The following CALU variants were observed in gnomAD, a reference collection of about 807,000 sequenced individuals.
CALU encodes calumenin, also known as IEF SSP 9302.
A neutral mutation model predicts 37.5 loss-of-function variants in CALU; 13 were observed. That is an observed-to-expected ratio of 0.35 (90% CI 0.23 to 0.55). The LOEUF is 0.55. CALU is among the 20% of genes least tolerant of loss of function. The probability of loss-of-function intolerance (pLI) is 0.89; values close to 1 mark genes in which losing one functional copy is unlikely to be tolerated. For missense variants in CALU, 282 were observed against 391.7 expected, an observed-to-expected ratio of 0.72 and a Z score of 2.36; for synonymous variants, 114 against 133.8, an observed-to-expected ratio of 0.85 and a Z score of 1.02.
At chr7:128,755,444 C>A (rs1200008004) in intron 3 of CALU, among the ~76,000 whole-genome samples, 1 of 151,528 alleles carries the variant, frequency 6.6e-6, no homozygotes, top group African/African-American at 2.4e-5. Flanking sequence ...AATTAGATTT[C>A]TTTATAACTG....
At chr7:128,767,106 A>T (rs900767536) in intron 5 of CALU, among the ~76,000 whole-genome samples, 1 of 152,160 alleles carries the variant, frequency 6.6e-6, no homozygotes, top group Non-Finnish European at 1.5e-5. Flanking sequence ...TTTCTAAAAC[A>T]AGTGGTCCCG....
chr7:128,761,481 A>C (rs906169014), intron 5 of CALU: 2 of 152,178 alleles, frequency 1.3e-5, no homozygotes, highest in Non-Finnish European at 2.9e-5. Flanking sequence ...CCTAAGGAGG[A>C]GTGAACCGGC....
chr7:128,759,137 A>G, intron 4 of CALU, 100 bp downstream of exon 4: 1 of 808,730 alleles, frequency 1.2e-6, no homozygotes, highest in Non-Finnish European at 2.0e-6. Context: ...TTATATATAT[A>G]TATGCTATAT....
At chr7:128,749,274 A>T (rs1423383312) in intron 2 of CALU, among the ~76,000 whole-genome samples, 2 of 152,228 alleles carry the variant, frequency 1.3e-5, no homozygotes, top group African/African-American at 4.8e-5. Flanking sequence ...TCATTCTCAG[A>T]TATTTGTTTA....
rs151294368 is a variant in CALU at position 128,767,622 on chromosome 7, C to A, written c.810C>A (p.Ala270=). Residue 270 remains alanine (A), a synonymous_variant, in exon 6 of 7, where the codon GCC becomes GCA. Coordinates refer to ENST00000249364, the MANE Select transcript of CALU (RefSeq NM_001219.5). ...PSDYDHAEAE[A]RHLVYESDQN... is the part of the protein sequence containing the mutation. ...ACTATGATCATGCAGAGGCAGAAGC[C>A]AGGCACCTGGTCTATGAATCAGACC... is the stretch of plus-strand genomic sequence containing the variant. The A allele has an allele frequency of 1.4e-5, 23 of 1,614,062 alleles. No homozygotes were observed. In the Admixed American group the frequency reaches 1.8e-4, roughly 13 times the overall value.
intron 5 of CALU, among the ~76,000 whole-genome samples, chr7:128,765,888 A>G (rs2128882956): frequency 6.6e-6 from 1 of 152,282 alleles, no homozygotes; most frequent in East Asian, 1.9e-4. Flanking sequence ...TGTCATAGCA[A>G]TATTGCTTAG....
At chr7:128,764,178 A>G (rs1801233965) in intron 5 of CALU, among the ~76,000 whole-genome samples, 1 of 152,152 alleles carries the variant, frequency 6.6e-6, no homozygotes, top group Admixed American at 6.5e-5. Context: ...CTGTAATCCC[A>G]GAACTTTGGG....
chr7:128,754,996 T>C (rs1800817722), intron 3 of CALU, among the ~76,000 whole-genome samples: 1 of 152,036 alleles, frequency 6.6e-6, no homozygotes. Flanking sequence ...AGACAATTTT[T>C]GGAGTAGATT....
chr7:128,748,090 T>G, intron 1 of CALU: 1 of 331,290 alleles, frequency 3.0e-6, no homozygotes, highest in Non-Finnish European at 5.4e-6. Context: ...AAGCTACGAA[T>G]GTCTGAATTC....
At position 128,772,070 on chromosome 7, in the gene CALU, TTTTTG is replaced by T. The variant is rs1218212465; in HGVS notation, c.*2918_*2922del. ...GGCCACTGAGTTTTTTTTGTTTTTT[TTTTTG>T]TTTTGTTTTGTTTTTTCTTTATGTC... On this transcript the variant is annotated 3_prime_UTR_variant, in exon 7 of 7. Coordinates refer to ENST00000249364, the MANE Select transcript of CALU (RefSeq NM_001219.5). Among the ~76,000 whole-genome samples the T allele has an allele frequency of 1.6e-4, 13 of 82,126 alleles. No individual in the cohort carries two copies. Among genetic ancestry groups the T allele is most frequent in the African/African-American group, 4.2e-4 (12 of 28,902 alleles). 53.9% of individuals were successfully genotyped at this position (82,126 alleles called of 152,430 possible).
chr7:128,755,680 G>A (rs374709965), intron 3 of CALU, among the ~76,000 whole-genome samples: 1 of 152,262 alleles, frequency 6.6e-6, no homozygotes, highest in East Asian at 1.9e-4. Flanking sequence ...TCTTTTACTT[G>A]TAACACTTGC....
rs920810519 is a variant in CALU at position 128,769,288 on chromosome 7, A to G, written c.*121A>G. 3.4e-6 allele frequency: 2 copies of G among 589,788 alleles called. No homozygotes were observed. Among genetic ancestry groups the G allele is most frequent in the African/African-American group, 3.7e-5 (2 of 53,590 alleles). 36.5% of individuals were successfully genotyped at this position (589,788 alleles called of 1,614,324 possible). A position where few individuals can be genotyped will look rare whatever the true frequency, so the allele number is the denominator to read the frequency against. Reference sequence around the variant, plus strand: ...ACTTTTTAAGACATGAAAAGGCGTAATGAAAACCATCCCGTCCCCATTCCT... The same window carrying G: ...ACTTTTTAAGACATGAAAAGGCGTAGTGAAAACCATCCCGTCCCCATTCCT... On this transcript the variant is annotated 3_prime_UTR_variant, in exon 7 of 7. Transcript: ENST00000249364.
intron 3 of CALU, among the ~76,000 whole-genome samples, chr7:128,758,418 A>AT (rs34101629): frequency 6.6e-6 from 1 of 152,126 alleles, no homozygotes; most frequent in South Asian, 2.1e-4. Context: ...ACTTAGATAT[A>AT]TTTTCTCATT....
chr7:128,765,788 A>G (rs1801307138), intron 5 of CALU, among the ~76,000 whole-genome samples: 1 of 152,216 alleles, frequency 6.6e-6, no homozygotes, highest in African/African-American at 2.4e-5. Flanking sequence ...CTAGAGTGAA[A>G]TGGGATTCAG....
chr7:128,768,868 A>AAAAAAAAAAAAAAAAAAAAAAC (rs1207568324), intron 6 of CALU, among the ~76,000 whole-genome samples, 195 bp from the exon 7 acceptor site: 1 of 150,518 alleles, frequency 6.6e-6, no homozygotes, highest in African/African-American at 2.4e-5. Context: ...AAAAAAAAAA[A>AAAAAAAAAAAAAAAAAAAAAAC]CAAGGAATGT....
In CALU at chr7:128,772,579, T is replaced by C; in HGVS notation, c.*3412T>C. 3 of 1,614,174 alleles carry C rather than the reference T, an allele frequency of 1.9e-6. No individual in the cohort carries two copies. Among genetic ancestry groups the C allele is most frequent in the Non-Finnish European group, 2.5e-6 (3 of 1,180,018 alleles). On this transcript the variant is annotated 3_prime_UTR_variant, in exon 7 of 7. Transcript: ENST00000249364. ...CTTGGGTAGACGAGACAGTAGAAAC[T>C]TCTGTTTTCTGGGAGCTGCATGTGT...
chr7:128,742,105 G>A (rs1176631322), intron 1 of CALU, among the ~76,000 whole-genome samples: 1 of 152,190 alleles, frequency 6.6e-6, no homozygotes, highest in Non-Finnish European at 1.5e-5. Flanking sequence ...AATAAATTAT[G>A]TGTTGGTATC....
At chr7:128,750,623 T>G (rs561866614) in intron 2 of CALU, among the ~76,000 whole-genome samples, 1 of 152,258 alleles carries the variant, frequency 6.6e-6, no homozygotes, top group Non-Finnish European at 1.5e-5. Flanking sequence ...ATCCCTACTT[T>G]ATACAGTAAC....
rs1345914490 is a variant in CALU at position 128,770,522 on chromosome 7, T to C, written c.*1355T>C. ...TGGTTTGAGGACCATGGCTTACCTT[T>C]CCTGCCTTTGACCCATCACACCCCA... is the stretch of plus-strand genomic sequence containing the variant. On this transcript the variant is annotated 3_prime_UTR_variant, in exon 7 of 7. Coordinates refer to ENST00000249364, the MANE Select transcript of CALU (RefSeq NM_001219.5). The C allele has an allele frequency of 6.6e-6, 1 of 151,334 alleles. No homozygotes were observed. The highest frequency in any genetic ancestry group is 1.5e-5 in the Non-Finnish European group (1 of 67,934). 9.4% of individuals were successfully genotyped at this position (151,334 alleles called of 1,614,324 possible).
Sources: gnomAD v4.1 joint callset for allele counts (sites outside exome capture counted in the v4.1 genomes callset) on GRCh38, gnomAD v4.1.1 for gene constraint, MANE v1.5 for transcripts, NCBI Gene and HGNC (gene_info 2026-07-23, HGNC 2026-07-21) for gene names.